The following CHSY3 variants were observed in gnomAD, a reference collection of about 807,000 sequenced individuals.
The protein encoded by CHSY3 is N-acetylgalactosaminyl-proteoglycan 3-beta-glucuronosyltransferase 3.
Under a neutral mutation model 67.2 loss-of-function variants are expected in CHSY3, and 35 were observed. The ratio of observed to expected loss-of-function variants is 0.52; its 90% CI spans 0.40 to 0.69. The LOEUF (loss-of-function observed/expected upper bound fraction) is 0.69. Among genes scored for constraint, CHSY3 ranks in the 30% least tolerant of loss-of-function variants. CHSY3 has a pLI of 0.00. For missense variants in CHSY3, 1,069 were observed against 1,138.5 expected, an observed-to-expected ratio of 0.94 and a Z score of 0.88; for synonymous variants, 474 against 434.7, an observed-to-expected ratio of 1.09 and a Z score of -1.12.
chr5:130,081,066 T>G (rs1220340745), intron 2 of CHSY3, among the ~76,000 whole-genome samples: 1 of 152,080 alleles, frequency 6.6e-6, no homozygotes, highest in African/African-American at 2.4e-5. Flanking sequence ...ATACAATGGC[T>G]GGGAACAAAG....
intron 2 of CHSY3, among the ~76,000 whole-genome samples, chr5:130,148,113 A>G (rs1026063802): frequency 6.6e-6 from 1 of 151,950 alleles, no homozygotes; most frequent in Non-Finnish European, 1.5e-5. Flanking sequence ...ATGTGTTCTC[A>G]TCATCTTGCT....
chr5:129,925,583 T>A (rs1761077092), intron 2 of CHSY3, among the ~76,000 whole-genome samples: 1 of 152,158 alleles, frequency 6.6e-6, no homozygotes, highest in Admixed American at 6.5e-5. Context: ...TGAGAACACT[T>A]AAAATCTACT....
intron 2 of CHSY3, among the ~76,000 whole-genome samples, chr5:129,938,218 G>T (rs1183146234): frequency 6.6e-6 from 1 of 152,202 alleles, no homozygotes; most frequent in Non-Finnish European, 1.5e-5. Context: ...AATGCCAGGA[G>T]CCCTGTCCCA....
At chr5:130,163,575 A>G (rs1326819100) in intron 2 of CHSY3, among the ~76,000 whole-genome samples, 1 of 152,178 alleles carries the variant, frequency 6.6e-6, no homozygotes, top group East Asian at 1.9e-4. Context: ...ATTTTTCTCG[A>G]GAAAACCTAT....
chr5:129,948,279 C>T (rs970700639), intron 2 of CHSY3, among the ~76,000 whole-genome samples: 1 of 152,164 alleles, frequency 6.6e-6, no homozygotes, highest in Non-Finnish European at 1.5e-5. Context: ...TTGGTCCACT[C>T]ATCACCCAAG....
intron 2 of CHSY3, among the ~76,000 whole-genome samples, chr5:130,034,726 G>A (rs1419737861): frequency 6.6e-6 from 1 of 152,138 alleles, no homozygotes; most frequent in African/African-American, 2.4e-5. Flanking sequence ...GTCAAGACAG[G>A]GAGCACTGAT....
chr5:130,082,810 C>T (rs571517077), intron 2 of CHSY3, among the ~76,000 whole-genome samples: 4 of 151,842 alleles, frequency 2.6e-5, no homozygotes, highest in African/African-American at 7.2e-5. Context: ...TACTTGTACA[C>T]GCTTAAGTGA....
chr5:130,086,940 T>C (rs1316645341), intron 2 of CHSY3, among the ~76,000 whole-genome samples: 1 of 152,048 alleles, frequency 6.6e-6, no homozygotes, highest in Non-Finnish European at 1.5e-5. Flanking sequence ...ACCAATATCC[T>C]TGATGAACAG....
At position 130,023,282 on chromosome 5, in the gene CHSY3, TA is replaced by T. The variant is rs570342159; in HGVS notation, c.1086+114923del. ...GCTTACAGATGTTAGGAAACCCAGT[TA>T]TAGGGAATCTAGTCAATGGTAAGGG... On this transcript the variant is annotated intron_variant, in intron 2 of 2. Transcript: ENST00000305031. Among the ~76,000 whole-genome samples, 292 of 152,046 alleles carry T rather than the reference TA, an allele frequency of 1.9e-3. 1 individual carries two copies. The highest frequency in any genetic ancestry group is 6.5e-3 in the African/African-American group (270 of 41,520).
intron 2 of CHSY3, among the ~76,000 whole-genome samples, chr5:130,020,449 ATATATATATATATTTTTTTT>A (rs1373950921): frequency 0.011 from 147 of 13,358 alleles, 3 homozygotes; most frequent in African/African-American, 0.037. Flanking sequence ...ATATATATAT[ATATATATATATATTTTTTTT>A]TTTTTTTTTT....
intron 2 of CHSY3, among the ~76,000 whole-genome samples, chr5:129,916,881 GT>G (rs200229454): frequency 1.1e-4 from 17 of 149,778 alleles, no homozygotes; most frequent in African/African-American, 3.9e-4. Flanking sequence ...CTTCTAAATT[GT>G]TTTTTTTTCA....
chr5:129,948,481 A>G (rs900872806), intron 2 of CHSY3, among the ~76,000 whole-genome samples: 5 of 152,202 alleles, frequency 3.3e-5, no homozygotes, highest in African/African-American at 4.8e-5. Flanking sequence ...ATGGTCTCCA[A>G]TTCCATCCAG....
rs1422130276 is a variant in CHSY3 at position 130,003,785 on chromosome 5, T to C, written c.1086+95425T>C. Among the ~76,000 whole-genome samples, 3 of 152,230 alleles carry C rather than the reference T, an allele frequency of 2.0e-5. No individual in the cohort carries two copies. The East Asian group carries it at 5.8e-4, about 29-fold the overall frequency. On this transcript the variant is annotated intron_variant, in intron 2 of 2. Coordinates refer to ENST00000305031, the MANE Select transcript of CHSY3 (RefSeq NM_175856.5). Reference sequence around the variant, plus strand: ...TCTGTTATGAGGGCATTGAAGTATATGACTGCCAAGTTGGTTTAAGCACCT... The same window carrying C: ...TCTGTTATGAGGGCATTGAAGTATACGACTGCCAAGTTGGTTTAAGCACCT...
rs757889542 is a variant in CHSY3 at position 129,905,134 on chromosome 5, C to T, written c.305C>T (p.Pro102Leu). Reference sequence around the variant, plus strand: ...GGGATCACCAGTTTTCGAAGCAGCCCCTGGCAGCAGCCACCTCCGCTGCAG... The same window carrying T: ...GGGATCACCAGTTTTCGAAGCAGCCTCTGGCAGCAGCCACCTCCGCTGCAG... ...APGITSFRSS[P>L]WQQPPPLQQR... Residue 102 changes from proline to leucine, a missense_variant, in exon 1 of 3, where the codon CCC becomes CTC. By Grantham distance (98) the Pro-to-Leu change is moderately conservative. Around this residue, in one of 5 missense-constraint regions of CHSY3, gnomAD observed 309 missense variants for 262.5 expected, o/e 1.18. Transcript: ENST00000305031. The T allele has an allele frequency of 1.6e-5, 24 of 1,534,258 alleles. No homozygotes were observed. The Admixed American group carries it at 2.5e-4, about 16-fold the overall frequency.
chr5:130,166,313 A>G (rs187893958), intron 2 of CHSY3, among the ~76,000 whole-genome samples: 2 of 152,302 alleles, frequency 1.3e-5, no homozygotes, highest in East Asian at 3.9e-4. Context: ...TTACTCTTTT[A>G]CCAAAGCTAT....
At chr5:130,107,478 T>C (rs1767446038) in intron 2 of CHSY3, among the ~76,000 whole-genome samples, 1 of 151,428 alleles carries the variant, frequency 6.6e-6, no homozygotes, top group Non-Finnish European at 1.5e-5. Flanking sequence ...TATATATACT[T>C]TTTCAAATTT....
intron 2 of CHSY3, among the ~76,000 whole-genome samples, chr5:130,128,949 T>C (rs1768390692): frequency 6.6e-6 from 1 of 152,126 alleles, no homozygotes; most frequent in African/African-American, 2.4e-5. Flanking sequence ...TTTTTCCTTT[T>C]TTTCAACAGG....
At chr5:130,154,944 A>AGGTTT (rs1769329435) in intron 2 of CHSY3, among the ~76,000 whole-genome samples, 1 of 152,058 alleles carries the variant, frequency 6.6e-6, no homozygotes, top group Non-Finnish European at 1.5e-5. Flanking sequence ...CTGATTCACT[A>AGGTTT]GGTTTGGGGT....
intron 2 of CHSY3, among the ~76,000 whole-genome samples, chr5:130,071,907 A>G (rs1311931420): frequency 6.6e-6 from 1 of 151,828 alleles, no homozygotes; most frequent in African/African-American, 2.4e-5. Context: ...GTGTGAGAGG[A>G]TATCTCATTG....
Sources: gnomAD v4.1 joint callset for allele counts (sites outside exome capture counted in the v4.1 genomes callset) on GRCh38, gnomAD v4.1.1 for gene constraint, gnomAD v4.1.1 regional missense constraint, MANE v1.5 for transcripts, NCBI Gene and HGNC (gene_info 2026-07-23, HGNC 2026-07-21) for gene names.